Variants in DNAJC6 observed in about 807,000 individuals in gnomAD.
DNAJC6 encodes the protein DnaJ heat shock protein family (Hsp40) member C6, also known as auxilin.
Under a neutral mutation model 110.0 loss-of-function variants are expected in DNAJC6, and 34 were observed. The observed-to-expected ratio is 0.31, with a 90% CI of 0.24 to 0.41. The LOEUF is 0.41. Ranked by LOEUF, DNAJC6 falls within the 10% of genes least tolerant of loss-of-function variation. The pLI, the probability that DNAJC6 is intolerant of heterozygous loss-of-function variation, is 1.00. For synonymous variants in DNAJC6, 406 were observed against 437.2 expected (o/e 0.93, Z 0.89); for missense variants, 1,031 against 1,207.8 (o/e 0.85, Z 2.17).
intron 1 of DNAJC6, among the ~76,000 whole-genome samples, chr1:65,349,415 T>C (rs1471173633): frequency 6.6e-6 from 1 of 152,082 alleles, no homozygotes; most frequent in African/African-American, 2.4e-5. Flanking sequence ...CCATTTCTGG[T>C]ACACTTCATC....
intron 7 of DNAJC6, 120 bp downstream of exon 7, chr1:65,386,026 A>C: frequency 9.6e-7 from 1 of 1,044,780 alleles, no homozygotes; most frequent in Non-Finnish European, 1.3e-6. Flanking sequence ...CTGATATATA[A>C]AAAATGTTCA....
At position 65,364,128 on chromosome 1, in the gene DNAJC6, C is replaced by A. The variant is rs74080592; in HGVS notation, c.194-507C>A. ...AATGTAGTACAATAAAGGCCACATA[C>A]GTAGCTTAAAAATTTTCAGTATCCA... On this transcript the variant is annotated intron_variant, in intron 1 of 18. Coordinates refer to ENST00000371069, the MANE Select transcript of DNAJC6 (RefSeq NM_001256864.2). Among the ~76,000 whole-genome samples, 1,012 of 152,108 alleles carry A rather than the reference C, an allele frequency of 6.7e-3. 10 individuals are homozygous for A. The highest frequency in any genetic ancestry group is 0.023 in the African/African-American group (967 of 41,478).
chr1:65,317,034 A>G (rs1429165670), intron 1 of DNAJC6, among the ~76,000 whole-genome samples: 1 of 152,088 alleles, frequency 6.6e-6, no homozygotes, highest in Non-Finnish European at 1.5e-5. Flanking sequence ...AATCGGTGTC[A>G]TTAAGTTTTA....
intron 1 of DNAJC6, among the ~76,000 whole-genome samples, chr1:65,343,964 A>G (rs1645413170): frequency 6.6e-6 from 1 of 152,166 alleles, no homozygotes; most frequent in Admixed American, 6.6e-5. Flanking sequence ...GTTCCAATTG[A>G]TGGCAGTTGG....
chr1:65,309,997 G>T, intron 1 of DNAJC6, 59 bp downstream of exon 1: 1 of 1,377,714 alleles, frequency 7.3e-7, no homozygotes. Context: ...GAGCCTCCCA[G>T]TCGCCCGGCC....
At chr1:65,328,029 T>C (rs1036364628) in intron 1 of DNAJC6, among the ~76,000 whole-genome samples, 1 of 152,192 alleles carries the variant, frequency 6.6e-6, no homozygotes, top group Non-Finnish European at 1.5e-5. Context: ...AAATTTTTAA[T>C]ATGATGGGAA....
At chr1:65,402,640 C>T (rs918675072) in intron 15 of DNAJC6, among the ~76,000 whole-genome samples, 1 of 152,174 alleles carries the variant, frequency 6.6e-6, no homozygotes, top group African/African-American at 2.4e-5. Flanking sequence ...TGGGGTAGCC[C>T]TGACACAAAG....
chr1:65,386,040 T>A, intron 7 of DNAJC6, 134 bp downstream of exon 7: 1 of 921,506 alleles, frequency 1.1e-6, no homozygotes, highest in East Asian at 2.7e-5. Context: ...ATGTTCAACA[T>A]CAGTGGTAAT....
In DNAJC6 at chr1:65,413,155, T is replaced by C. The variant is rs1055933066; in HGVS notation, c.*130T>C. 2.9e-6 allele frequency: 2 copies of C among 688,508 alleles called. No homozygotes were observed. Among genetic ancestry groups the C allele is most frequent in the Non-Finnish European group, 4.8e-6 (2 of 414,622 alleles). The allele number at this position is 688,508 out of a possible 1,614,324, so 42.6% of individuals were successfully genotyped here. On this transcript the variant is annotated 3_prime_UTR_variant, in exon 19 of 19. Transcript: ENST00000371069. ...CAGTACTAAACCGTTAAGTTACTCA[T>C]GAATTAATTTCTCATTGATAAGGAA... is the stretch of plus-strand genomic sequence containing the variant.
chr1:65,316,921 G>A (rs1358411617), intron 1 of DNAJC6, among the ~76,000 whole-genome samples: 2 of 117,152 alleles, frequency 1.7e-5, no homozygotes, highest in Non-Finnish European at 3.9e-5. Flanking sequence ...CATCATAAAG[G>A]TCACTTTTTT....
At chr1:65,299,057 G>A (rs1205659934) in intron 1 of DNAJC6, 1 of 152,188 alleles carries the variant, frequency 6.6e-6, no homozygotes, top group Non-Finnish European at 1.5e-5. Flanking sequence ...AACTTGATAA[G>A]TATTGATGCT....
chr1:65,397,015 G>T (rs950759672), intron 13 of DNAJC6, among the ~76,000 whole-genome samples: 18 of 152,118 alleles, frequency 1.2e-4, no homozygotes, highest in Non-Finnish European at 1.9e-4. Flanking sequence ...TTGGCAGCTT[G>T]GCAGTTTTGG....
intron 1 of DNAJC6, among the ~76,000 whole-genome samples, chr1:65,269,762 G>C (rs1653446783): frequency 6.6e-6 from 1 of 152,314 alleles, no homozygotes; most frequent in African/African-American, 2.4e-5. Flanking sequence ...GTCTATGCCA[G>C]TGGTAATCAA....
At chr1:65,393,067 G>A (rs1210749120) in intron 12 of DNAJC6, among the ~76,000 whole-genome samples, 1 of 152,156 alleles carries the variant, frequency 6.6e-6, no homozygotes, top group African/African-American at 2.4e-5. Context: ...CTAAGGTAGT[G>A]TAAGAGTGGA....
intron 1 of DNAJC6, among the ~76,000 whole-genome samples, chr1:65,287,111 T>C (rs1654046611): frequency 6.6e-6 from 1 of 152,126 alleles, no homozygotes; most frequent in African/African-American, 2.4e-5. Context: ...AAGGAATGAA[T>C]GAGTGAGAGA....
At chr1:65,358,907 A>C (rs1317883554) in intron 1 of DNAJC6, among the ~76,000 whole-genome samples, 1 of 152,192 alleles carries the variant, frequency 6.6e-6, no homozygotes, top group East Asian at 1.9e-4. Context: ...TTAGAGGACC[A>C]GATGGAATTA....
chr1:65,275,776 A>AT (rs1324352115), intron 1 of DNAJC6, among the ~76,000 whole-genome samples: 1 of 144,692 alleles, frequency 6.9e-6, no homozygotes, highest in East Asian at 2.0e-4. Context: ...TAGTTTTGTT[A>AT]TTTTTTTGCT....
intron 1 of DNAJC6, among the ~76,000 whole-genome samples, chr1:65,335,802 A>G (rs1170268451): frequency 6.6e-6 from 1 of 152,122 alleles, no homozygotes; most frequent in Non-Finnish European, 1.5e-5. Context: ...GAGATGGGAA[A>G]TGATTGGAAA....
At chr1:65,269,825 T>C (rs889988695) in intron 1 of DNAJC6, among the ~76,000 whole-genome samples, 14 of 152,184 alleles carry the variant, frequency 9.2e-5, no homozygotes, top group African/African-American at 3.1e-4. Context: ...AGGTATGTTA[T>C]TTGATGGTCA....
Sources: gnomAD v4.1 joint callset for allele counts (sites outside exome capture counted in the v4.1 genomes callset) on GRCh38, gnomAD v4.1.1 for gene constraint, MANE v1.5 for transcripts, NCBI Gene and HGNC (gene_info 2026-07-23, HGNC 2026-07-21) for gene names.